Variants in NRXN1 observed in about 807,000 individuals in gnomAD.
The protein encoded by NRXN1 is neurexin-1.
In NRXN1, 39 loss-of-function variants were observed where a neutral mutation model predicts 150.9. The ratio of observed to expected loss-of-function variants is 0.26; its 90% CI spans 0.20 to 0.34. NRXN1 has a LOEUF of 0.34. Ranked by LOEUF, NRXN1 falls within the 10% of genes least tolerant of loss-of-function variation. The pLI is 1.00. For synonymous variants in NRXN1, 924 were observed against 757.0 expected (o/e 1.22, Z -3.62); for missense variants, 1,815 against 1,949.9 (o/e 0.93, Z 1.30).
intron 21 of NRXN1, among the ~76,000 whole-genome samples, chr2:49,996,661 G>A (rs1016841588): frequency 6.6e-6 from 1 of 152,138 alleles, no homozygotes; most frequent in Non-Finnish European, 1.5e-5. Flanking sequence ...TCAGAGTGAT[G>A]CAAGGAAGGG....
intron 18 of NRXN1, among the ~76,000 whole-genome samples, chr2:50,183,466 C>G (rs1202973181): frequency 2.6e-5 from 4 of 151,672 alleles, no homozygotes; most frequent in Admixed American, 2.0e-4. Flanking sequence ...AAAGACCTTA[C>G]TTTTATTTAT....
intron 21 of NRXN1, among the ~76,000 whole-genome samples, chr2:49,950,337 G>T (rs931664160): frequency 6.6e-6 from 1 of 151,802 alleles, no homozygotes; most frequent in Non-Finnish European, 1.5e-5. Flanking sequence ...TTGACATAAA[G>T]ATGTCAATTT....
chr2:50,060,501 T>C (rs1694356547), intron 19 of NRXN1, among the ~76,000 whole-genome samples: 1 of 152,126 alleles, frequency 6.6e-6, no homozygotes, highest in South Asian at 2.1e-4. Context: ...GTTAAGACTT[T>C]GGGGAACTGC....
intron 21 of NRXN1, chr2:50,023,176 G>C (rs1451927005): frequency 3.3e-5 from 5 of 152,148 alleles, no homozygotes; most frequent in African/African-American, 1.2e-4. Context: ...ACTACCAAGT[G>C]TTTCTCTCAT....
chr2:50,314,874 C>A (rs1418549401), intron 17 of NRXN1, among the ~76,000 whole-genome samples: 1 of 151,748 alleles, frequency 6.6e-6, no homozygotes, highest in Non-Finnish European at 1.5e-5. Flanking sequence ...CCCTTCTGAG[C>A]CTTATTTTTC....
At chr2:50,871,768 A>C (rs2106101210) in intron 5 of NRXN1, among the ~76,000 whole-genome samples, 1 of 152,008 alleles carries the variant, frequency 6.6e-6, no homozygotes. Context: ...TTCTAAGTTT[A>C]GAAAAATTCA....
At chr2:49,962,438 C>A (rs1676133622) in intron 21 of NRXN1, among the ~76,000 whole-genome samples, 1 of 152,174 alleles carries the variant, frequency 6.6e-6, no homozygotes, top group African/African-American at 2.4e-5. Flanking sequence ...TGCTGAATAA[C>A]TGCCTACTTT....
chr2:50,413,108 C>T lies in NRXN1; in HGVS notation c.3364+52334G>A, dbSNP rs118050743. Among the ~76,000 whole-genome samples the T allele has an allele frequency of 1.3e-3, 195 of 152,254 alleles. 4 individuals carry two copies. Among genetic ancestry groups the T allele is most frequent in the East Asian group, 0.012 (63 of 5,178 alleles). ...GGAATCACATCACGTTAAAAAGCTT[C>T]TGCACAGAAAAGGAAACAATCAACA... On this transcript the variant is annotated intron_variant, in intron 17 of 22. Transcript: ENST00000401669.
chr2:50,066,011 A>C (rs1695300122), intron 19 of NRXN1, among the ~76,000 whole-genome samples: 3 of 152,154 alleles, frequency 2.0e-5, no homozygotes, highest in Admixed American at 1.3e-4. Context: ...CCAGAAACCC[A>C]GTGCTTTCAT....
Position 50,035,651 on chromosome 2 carries a change from T to C in NRXN1, c.4128+17620A>G, listed in dbSNP as rs550078457. On this transcript the variant is annotated intron_variant, in intron 21 of 22. Transcript: ENST00000401669. The stretch of plus-strand genomic sequence containing the variant: ...AACATATACTTGGAGAAAAATAGCC[T>C]AAAATATAAAACTAAGGACAATGTA... Among the ~76,000 whole-genome samples the C allele has an allele frequency of 3.3e-5, 5 of 152,158 alleles. 1 individual carries two copies. In the East Asian group the frequency reaches 9.7e-4, roughly 29 times the overall value.
At chr2:50,452,682 G>A (rs1008379990) in intron 17 of NRXN1, among the ~76,000 whole-genome samples, 3 of 152,142 alleles carry the variant, frequency 2.0e-5, no homozygotes, top group African/African-American at 7.2e-5. Flanking sequence ...TTTAGGCAAC[G>A]AAAAAGAATG....
intron 2 of NRXN1, among the ~76,000 whole-genome samples, chr2:50,935,836 T>C (rs1688464913): frequency 1.3e-5 from 2 of 152,086 alleles, no homozygotes. Flanking sequence ...ATGTCAAGAA[T>C]GAGTAAGATG....
chr2:50,617,220 G>A (rs935557669), intron 8 of NRXN1, among the ~76,000 whole-genome samples: 1 of 151,980 alleles, frequency 6.6e-6, no homozygotes, highest in African/African-American at 2.4e-5. Context: ...GATCACTTGA[G>A]GTCAGTAGTT....
intron 17 of NRXN1, among the ~76,000 whole-genome samples, chr2:50,281,044 C>T (rs1255068739): frequency 1.3e-5 from 2 of 151,676 alleles, no homozygotes; most frequent in African/African-American, 4.8e-5. Flanking sequence ...GTGGCTCATG[C>T]CTGTAATCCC....
rs556466248 is a variant in NRXN1 at position 50,052,988 on chromosome 2, G to A, written c.4128+283C>T. The stretch of plus-strand genomic sequence containing the variant: ...TGAAAATCCTATGTAATTAGCAGAC[G>A]ATCTACTCAGCTTGGGCCAGAGGAG... On this transcript the variant is annotated intron_variant, in intron 21 of 22. Coordinates refer to ENST00000401669, the MANE Select transcript of NRXN1 (RefSeq NM_001330078.2). Among the ~76,000 whole-genome samples, 5 of 152,178 alleles carry A rather than the reference G, an allele frequency of 3.3e-5. 1 individual carries two copies. Among genetic ancestry groups the A allele is most frequent in the East Asian group, 1.9e-4 (1 of 5,168 alleles).
In NRXN1 at chr2:50,837,099, C is replaced by T. The variant is rs557861567; in HGVS notation, c.832+84770G>A. Among the ~76,000 whole-genome samples, 7 of 152,120 alleles carry T rather than the reference C, an allele frequency of 4.6e-5. No individual in the cohort carries two copies. In the South Asian group the frequency reaches 1.0e-3, roughly 23 times the overall value. Reference sequence around the variant, plus strand: ...AAATAAAACCTACCCTGGTTAACACCGTATCTCCAGAGAAAAACACAATGC... The same window carrying T: ...AAATAAAACCTACCCTGGTTAACACTGTATCTCCAGAGAAAAACACAATGC... On this transcript the variant is annotated intron_variant, in intron 5 of 22. Transcript: ENST00000401669.
rs190374585 is a variant in NRXN1 at position 50,844,393 on chromosome 2, T to C, written c.832+77476A>G. ...CCTTCGTCTACATTCTGTTCACTTA[T>C]GGTGACCTTCTAGGTGCATGACCAT... On this transcript the variant is annotated intron_variant, in intron 5 of 22. Coordinates refer to ENST00000401669, the MANE Select transcript of NRXN1 (RefSeq NM_001330078.2). Among the ~76,000 whole-genome samples the C allele has an allele frequency of 5.5e-4, 84 of 152,366 alleles. 1 individual carries two copies. Among genetic ancestry groups the C allele is most frequent in the African/African-American group, 1.8e-3 (76 of 41,586 alleles).
Position 50,123,220 on chromosome 2 carries a change from A to G in NRXN1, c.3547-31726T>C, listed in dbSNP as rs146080669. On this transcript the variant is annotated intron_variant, in intron 18 of 22. Transcript: ENST00000401669. ...TAACTTCAATAAGTGAATGAAATATATAATGTGAGAGAGAGGTAAAAGAAG... is the reference window on the plus strand; with the variant it reads ...TAACTTCAATAAGTGAATGAAATATGTAATGTGAGAGAGAGGTAAAAGAAG... Among the ~76,000 whole-genome samples the G allele has an allele frequency of 6.9e-4, 105 of 152,316 alleles. No individual in the cohort carries two copies. The East Asian group carries it at 0.019, about 27-fold the overall frequency.
At chr2:50,269,094 T>G (rs986796500) in intron 17 of NRXN1, among the ~76,000 whole-genome samples, 1 of 151,662 alleles carries the variant, frequency 6.6e-6, no homozygotes, top group African/African-American at 2.4e-5. Flanking sequence ...ATTTTTTACA[T>G]GGGGAAACAG....
Sources: gnomAD v4.1 joint callset for allele counts (sites outside exome capture counted in the v4.1 genomes callset) on GRCh38, gnomAD v4.1.1 for gene constraint, MANE v1.5 for transcripts, NCBI Gene and HGNC (gene_info 2026-07-23, HGNC 2026-07-21) for gene names.